CPSF4L: variants seen among roughly 807,000 people sequenced by gnomAD.
CPSF4L encodes the protein cleavage and polyadenylation specific factor 4 like, also known as putative cleavage and polyadenylation specificity factor subunit 4-like protein.
In CPSF4L, 18 loss-of-function variants were observed where a neutral mutation model predicts 24.0. That is an observed-to-expected ratio of 0.75 (90% CI 0.52 to 1.11). The LOEUF (loss-of-function observed/expected upper bound fraction) is 1.11. Ranked by LOEUF, CPSF4L falls within the 50% of genes least tolerant of loss-of-function variation. CPSF4L has a pLI of 0.00. For missense variants in CPSF4L, 211 were observed against 221.8 expected, an observed-to-expected ratio of 0.95 and a Z score of 0.31; for synonymous variants, 72 against 77.2, an observed-to-expected ratio of 0.93 and a Z score of 0.35.
intron 2 of CPSF4L, among the ~76,000 whole-genome samples, chr17:73,258,350 T>C (rs1407459746): frequency 6.6e-6 from 1 of 151,308 alleles, no homozygotes; most frequent in Non-Finnish European, 1.5e-5. Context: ...CTGTTGCCCA[T>C]GCTAGAGAGC....
rs746097590 is a variant in CPSF4L at position 73,261,022 on chromosome 17, A to T, written c.104-39T>A. 29 of 1,520,614 alleles carry T rather than the reference A, an allele frequency of 1.9e-5. No homozygotes were observed. The South Asian group carries it at 3.0e-4, about 16-fold the overall frequency. 94.2% of individuals were successfully genotyped at this position (1,520,614 alleles called of 1,614,324 possible). On this transcript the variant is annotated intron_variant, in intron 1 of 5. Coordinates refer to ENST00000344935, the MANE Select transcript of CPSF4L (RefSeq NM_001129885.1). ...AGGGAACGGAGAAGGTAGCTTCCCC[A>T]GAGGCTGCAGCTGTTCCGGAAGCCT...
chr17:73,256,984 G>A (rs187033253), intron 3 of CPSF4L, among the ~76,000 whole-genome samples: 92 of 152,228 alleles, frequency 6.0e-4, no homozygotes, highest in Non-Finnish European at 9.7e-4. Flanking sequence ...TCAAGATCAC[G>A]CCACTGCACT....
chr17:73,243,622 A>C (rs2061892157), downstream of CPSF4L, among the ~76,000 whole-genome samples: 1 of 145,696 alleles, frequency 6.9e-6, no homozygotes, highest in African/African-American at 2.6e-5. Context: ...TCTGCCTCCT[A>C]GGTTCAAGTG....
chr17:73,246,795 A>C (rs575427838), downstream of CPSF4L, among the ~76,000 whole-genome samples: 340 of 152,326 alleles, frequency 2.2e-3, 9 homozygotes, highest in Middle Eastern at 0.014. Flanking sequence ...GAAGAGTTCT[A>C]CATTCAGTTA....
chr17:73,259,887 C>T (rs751472803), intron 2 of CPSF4L, among the ~76,000 whole-genome samples: 40 of 152,200 alleles, frequency 2.6e-4, no homozygotes, highest in Admixed American at 3.9e-4. Flanking sequence ...TATAGGCAAG[C>T]GGGAGGAAGA....
intron 2 of CPSF4L, among the ~76,000 whole-genome samples, chr17:73,259,843 A>T (rs1039948646): frequency 2.0e-5 from 3 of 152,142 alleles, no homozygotes; most frequent in Non-Finnish European, 2.9e-5. Flanking sequence ...CATGTCCTAA[A>T]CTCTCACACC....
intron 3 of CPSF4L, 62 bp downstream of exon 3, chr17:73,257,619 C>A: frequency 6.6e-7 from 1 of 1,521,862 alleles, no homozygotes. Flanking sequence ...AGAAACCTTC[C>A]CATCTCACAG....
intron 2 of CPSF4L, among the ~76,000 whole-genome samples, chr17:73,258,048 C>T (rs1341387375): frequency 5.8e-4 from 88 of 150,628 alleles, no homozygotes; most frequent in African/African-American, 1.6e-3. Context: ...CTCGCTCTGT[C>T]GCCCAGGTTG....
chr17:73,256,381 C>T (rs2062024682), intron 3 of CPSF4L, among the ~76,000 whole-genome samples: 1 of 152,234 alleles, frequency 6.6e-6, no homozygotes, highest in African/African-American at 2.4e-5. Flanking sequence ...TCTGACTGGC[C>T]TAGGCAATGC....
At chr17:73,261,213 G>A (rs1201475452) in intron 1 of CPSF4L, among the ~76,000 whole-genome samples, 1 of 152,174 alleles carries the variant, frequency 6.6e-6, no homozygotes, top group African/African-American at 2.4e-5. Context: ...CCTGGCCCAG[G>A]AGCTCGGGAG....
chr17:73,247,397 C>T, downstream of CPSF4L: 1 of 1,569,002 alleles, frequency 6.4e-7, no homozygotes, highest in Non-Finnish European at 8.8e-7. Flanking sequence ...CCTTCGTGCC[C>T]TGTGTTGCCC....
downstream of CPSF4L, chr17:73,245,795 G>A: frequency 1.2e-6 from 1 of 824,202 alleles, no homozygotes; most frequent in Non-Finnish European, 1.5e-6. Context: ...TAACTATAAT[G>A]TTAAATCACA....
intron 5 of CPSF4L, among the ~76,000 whole-genome samples, chr17:73,250,678 C>A (rs1336196205): frequency 6.6e-6 from 1 of 152,102 alleles, no homozygotes; most frequent in African/African-American, 2.4e-5. Context: ...CCAGGTGATA[C>A]GTTCCCTCCC....
rs536941705 is a variant in CPSF4L, at chr17:73,261,502, A to G, written c.103+214T>C. On this transcript the variant is annotated intron_variant, in intron 1 of 5. Coordinates refer to ENST00000344935, the MANE Select transcript of CPSF4L (RefSeq NM_001129885.1). ...TGGTGAAACCCGGTCTCTACTAAAA[A>G]TACAAAAAATCAGCTGGGCGTGGTG... Among the ~76,000 whole-genome samples, 114 of 152,324 alleles carry G rather than the reference A, an allele frequency of 7.5e-4. 1 individual carries two copies. The highest frequency in any genetic ancestry group is 6.8e-3 in the Middle Eastern group (2 of 294).
At chr17:73,250,284 A>G (rs1480078265) in intron 5 of CPSF4L, 2 of 1,550,810 alleles carry the variant, frequency 1.3e-6, no homozygotes, top group Admixed American at 2.0e-5. Context: ...ACTTACTGGC[A>G]TAATGGCCTG....
chr17:73,261,988 A>G (rs544361590), upstream of CPSF4L: 919 of 604,490 alleles, frequency 1.5e-3, 4 homozygotes, highest in Non-Finnish European at 7.9e-4. Context: ...GTACAGGAGC[A>G]GGGCCCAGCT....
At chr17:73,245,420 G>C (rs192502020), downstream of CPSF4L, 5 of 1,198,778 alleles carry the variant, frequency 4.2e-6, no homozygotes, top group Admixed American at 4.3e-5. Context: ...TTGCTCTCAG[G>C]AGCAACTGAG....
At chr17:73,245,209 T>C (rs780059640), downstream of CPSF4L, 2 of 1,613,506 alleles carry the variant, frequency 1.2e-6, no homozygotes, top group South Asian at 1.1e-5. Context: ...TGGACATCAC[T>C]TAAAGCTCTG....
chr17:73,246,017 G>T (rs2061945736), downstream of CPSF4L, among the ~76,000 whole-genome samples: 1 of 152,004 alleles, frequency 6.6e-6, no homozygotes, highest in South Asian at 2.1e-4. Flanking sequence ...CTGATTTTTT[G>T]ACTTCTGCTT....
Sources: allele counts gnomAD v4.1 joint callset (sites outside exome capture counted in the v4.1 genomes callset), GRCh38; gene constraint gnomAD v4.1.1; transcripts MANE v1.5; gene names NCBI Gene and HGNC (gene_info 2026-07-23, HGNC 2026-07-21).